The following PHACTR3 variants were observed in gnomAD, a reference collection of about 807,000 sequenced individuals.
PHACTR3 encodes phosphatase and actin regulator 3.
In PHACTR3, 16 loss-of-function variants were observed where a neutral mutation model predicts 66.8. The ratio of observed to expected loss-of-function variants is 0.24; its 90% CI spans 0.16 to 0.36. The LOEUF is 0.36. Ranked by LOEUF, PHACTR3 falls within the 10% of genes least tolerant of loss-of-function variation. PHACTR3 has a pLI of 1.00. For synonymous variants in PHACTR3, 323 were observed against 292.1 expected (o/e 1.11, Z -1.08); for missense variants, 647 against 719.9 (o/e 0.90, Z 1.16).
chr20:59,621,038 G>A (rs1009138903), intron 1 of PHACTR3, among the ~76,000 whole-genome samples: 3 of 152,210 alleles, frequency 2.0e-5, no homozygotes, highest in African/African-American at 4.8e-5. Flanking sequence ...GCCACTGGGA[G>A]CTCCTTCGAG....
At position 59,750,207 on chromosome 20, in the gene PHACTR3, C is replaced by G. The variant is rs1033328571; in HGVS notation, c.358+2372C>G. ...AGCACCCTAAGATCATGAGACAGGA[C>G]CTGACCTGGTTCTCGGGGGGCCGGG... On this transcript the variant is annotated intron_variant, in intron 3 of 12. Transcript: ENST00000371015. 2.6e-5 allele frequency among the ~76,000 whole-genome samples: 4 copies of G among 151,916 alleles called. No homozygotes were observed. The East Asian group carries it at 7.7e-4, about 29-fold the overall frequency.
intron 8 of PHACTR3, 43 bp downstream of exon 8, chr20:59,806,237 C>T (rs1231811543): frequency 6.3e-7 from 1 of 1,596,720 alleles, no homozygotes; most frequent in African/African-American, 1.3e-5. Context: ...GTGCTCTGGC[C>T]TTGCAGGCGG....
intron 4 of PHACTR3, among the ~76,000 whole-genome samples, chr20:59,760,064 G>A (rs1344468745): frequency 6.6e-6 from 1 of 152,098 alleles, no homozygotes; most frequent in Admixed American, 6.6e-5. Context: ...AGCTTTGCTG[G>A]GGGTCGGGGA....
intron 1 of PHACTR3, among the ~76,000 whole-genome samples, chr20:59,611,781 G>C (rs1040828231): frequency 5.3e-5 from 8 of 152,220 alleles, no homozygotes; most frequent in African/African-American, 1.9e-4. Context: ...CTTGTGAATG[G>C]AAATCTCCTA....
intron 8 of PHACTR3, among the ~76,000 whole-genome samples, chr20:59,807,784 A>T (rs1304716674): frequency 1.3e-5 from 2 of 152,212 alleles, no homozygotes; most frequent in Non-Finnish European, 2.9e-5. Flanking sequence ...ACTATCTTAT[A>T]TGTGTCGTAT....
At chr20:59,816,728 T>C (rs1450094245) in intron 8 of PHACTR3, among the ~76,000 whole-genome samples, 2 of 152,286 alleles carry the variant, frequency 1.3e-5, no homozygotes, top group East Asian at 3.9e-4. Flanking sequence ...GTTAGATGGA[T>C]AGATGGATGA....
chr20:59,674,366 C>A (rs1406797264), intron 1 of PHACTR3, among the ~76,000 whole-genome samples: 1 of 142,442 alleles, frequency 7.0e-6, no homozygotes, highest in Non-Finnish European at 1.5e-5. Flanking sequence ...CCCTCTTCCC[C>A]TTCTCCTGTT....
chr20:59,662,995 A>G (rs1204627447), intron 1 of PHACTR3, among the ~76,000 whole-genome samples: 1 of 152,228 alleles, frequency 6.6e-6, no homozygotes, highest in Non-Finnish European at 1.5e-5. Context: ...AAGTCAAGGC[A>G]TCAGTAGGGC....
intron 1 of PHACTR3, among the ~76,000 whole-genome samples, chr20:59,675,665 G>T (rs2036427634): frequency 1.3e-5 from 2 of 152,162 alleles, no homozygotes; most frequent in African/African-American, 4.8e-5. Flanking sequence ...AGACATTCTG[G>T]TTGTTATAAC....
intron 1 of PHACTR3, among the ~76,000 whole-genome samples, chr20:59,715,938 G>C (rs1275289049): frequency 6.6e-6 from 1 of 152,150 alleles, no homozygotes; most frequent in Admixed American, 6.5e-5. Context: ...AGCAGTTAAG[G>C]ATACAGCAGA....
chr20:59,594,131 T>C (rs2033261244), intron 1 of PHACTR3, among the ~76,000 whole-genome samples: 1 of 152,206 alleles, frequency 6.6e-6, no homozygotes, highest in Non-Finnish European at 1.5e-5. Context: ...TCTCCATTTA[T>C]TTGGTTCTTT....
chr20:59,697,123 G>A (rs1347433744), intron 1 of PHACTR3, among the ~76,000 whole-genome samples: 1 of 152,152 alleles, frequency 6.6e-6, no homozygotes, highest in Admixed American at 6.5e-5. Context: ...GGTAAGGACT[G>A]CCCCACTTAC....
intron 1 of PHACTR3, among the ~76,000 whole-genome samples, chr20:59,694,521 G>T (rs2037226072): frequency 6.6e-6 from 1 of 151,760 alleles, no homozygotes; most frequent in Non-Finnish European, 1.5e-5. Context: ...AGAAAGCCTC[G>T]ATGGAAGAAG....
chr20:59,685,059 A>T (rs1173244947), intron 1 of PHACTR3, among the ~76,000 whole-genome samples: 1 of 151,560 alleles, frequency 6.6e-6, no homozygotes, highest in Admixed American at 6.6e-5. Context: ...TTGTGGCTCC[A>T]GGGCCCCCTC....
At chr20:59,696,824 C>T in intron 1 of PHACTR3, among the ~76,000 whole-genome samples, 1 of 152,300 alleles carries the variant, frequency 6.6e-6, no homozygotes, top group Non-Finnish European at 1.5e-5. Context: ...ACCTTGAAGG[C>T]TGATGCATTT....
chr20:59,754,282 G>A (rs1304270553), intron 3 of PHACTR3, among the ~76,000 whole-genome samples: 1 of 152,230 alleles, frequency 6.6e-6, no homozygotes, highest in Non-Finnish European at 1.5e-5. Context: ...CAGCAGCCGA[G>A]CTTCAAGAGA....
chr20:59,663,786 T>A (rs941081820), intron 1 of PHACTR3, among the ~76,000 whole-genome samples: 3 of 152,204 alleles, frequency 2.0e-5, no homozygotes, highest in Non-Finnish European at 4.4e-5. Context: ...AGTTATTTCC[T>A]TGTGCAACGG....
chr20:59,708,004 T>G (rs2037774317), intron 1 of PHACTR3, among the ~76,000 whole-genome samples: 1 of 152,220 alleles, frequency 6.6e-6, no homozygotes, highest in Admixed American at 6.5e-5. Flanking sequence ...TCCTAACAGT[T>G]CCAGAAAAAG....
chr20:59,608,026 C>T (rs560113023), intron 1 of PHACTR3, among the ~76,000 whole-genome samples: 1 of 152,298 alleles, frequency 6.6e-6, no homozygotes, highest in East Asian at 1.9e-4. Context: ...TGATATTGCA[C>T]TCTCCTAGAA....
Sources: allele counts gnomAD v4.1 joint callset (sites outside exome capture counted in the v4.1 genomes callset), GRCh38; gene constraint gnomAD v4.1.1; transcripts MANE v1.5; gene names NCBI Gene and HGNC (gene_info 2026-07-23, HGNC 2026-07-21).